THSD7B: variants seen among roughly 807,000 people sequenced by gnomAD.
THSD7B encodes the protein thrombospondin type-1 domain-containing protein 7B.
THSD7B carries 138 observed loss-of-function variants against 213.6 expected under a neutral mutation model. The observed-to-expected ratio is 0.65, with a 90% CI of 0.56 to 0.74. THSD7B has a LOEUF of 0.74. THSD7B is among the 30% of genes least tolerant of loss of function. THSD7B has a pLI of 0.00. For synonymous variants in THSD7B, 742 were observed against 687.0 expected (o/e 1.08, Z -1.25); for missense variants, 1,931 against 1,991.5 (o/e 0.97, Z 0.58).
At chr2:137,429,973 T>C (rs1455000894) in intron 14 of THSD7B, among the ~76,000 whole-genome samples, 1 of 152,208 alleles carries the variant, frequency 6.6e-6, no homozygotes, top group East Asian at 1.9e-4. Context: ...CCAGGTGCAG[T>C]GGCTCACACA....
intron 14 of THSD7B, among the ~76,000 whole-genome samples, chr2:137,432,854 A>G (rs937572089): frequency 6.6e-6 from 1 of 152,176 alleles, no homozygotes. Context: ...GTCTGTTTCT[A>G]TACTCTTACA....
At chr2:136,776,050 A>G (rs567910487) in intron 1 of THSD7B, among the ~76,000 whole-genome samples, 3 of 152,258 alleles carry the variant, frequency 2.0e-5, no homozygotes, top group East Asian at 3.9e-4. Flanking sequence ...AAGGTGCACA[A>G]TGATATCCAA....
Position 136,890,303 on chromosome 2 carries a change from C to CCTCCTCTTCTTCTTCTTCTTCTTCTT in THSD7B, c.139+7988_139+7989insCCTCTTCTTCTTCTTCTTCTTCTTCT, listed in dbSNP as rs1553455794. Among the ~76,000 whole-genome samples the CCTCCTCTTCTTCTTCTTCTTCTTCTT allele has an allele frequency of 1.7e-3, 9 of 5,162 alleles. 3 individuals are homozygous for CCTCCTCTTCTTCTTCTTCTTCTTCTT. Among genetic ancestry groups the CCTCCTCTTCTTCTTCTTCTTCTTCTT allele is most frequent in the African/African-American group, 2.3e-3 (4 of 1,748 alleles). The allele number at this position is 5,162 out of a possible 152,430, so 3.4% of individuals were successfully genotyped here. On this transcript the variant is annotated intron_variant, in intron 2 of 27. Coordinates refer to ENST00000409968, the MANE Select transcript of THSD7B (RefSeq NM_001316349.2). ...TGCTCATTCATGTCCATGTCCTACT[C>CCTCCTCTTCTTCTTCTTCTTCTTCTT]CTTCTTCTTCTTCTTCTTCTTCTTC...
chr2:136,907,193 C>T (rs1684180026), intron 2 of THSD7B, among the ~76,000 whole-genome samples: 2 of 152,000 alleles, frequency 1.3e-5, no homozygotes, highest in Non-Finnish European at 2.9e-5. Context: ...GATCCACCTA[C>T]CTTGGCCTCC....
At chr2:137,062,836 C>T (rs145579768) in intron 3 of THSD7B, among the ~76,000 whole-genome samples, 1 of 151,866 alleles carries the variant, frequency 6.6e-6, no homozygotes, top group Non-Finnish European at 1.5e-5. Context: ...ATTGATGGTG[C>T]TGTTCAGTTC....
chr2:137,367,205 A>G (rs1319758144), intron 12 of THSD7B, among the ~76,000 whole-genome samples: 2 of 152,152 alleles, frequency 1.3e-5, no homozygotes. Context: ...GCTGTGCAGT[A>G]GAACACCGTA....
At chr2:137,467,042 A>G (rs1688008083) in intron 15 of THSD7B, among the ~76,000 whole-genome samples, 1 of 152,072 alleles carries the variant, frequency 6.6e-6, no homozygotes, top group African/African-American at 2.4e-5. Context: ...CAGCTCCCCC[A>G]GAAGCCTTTC....
intron 12 of THSD7B, among the ~76,000 whole-genome samples, chr2:137,301,744 T>C (rs1277355299): frequency 1.3e-5 from 2 of 152,042 alleles, no homozygotes; most frequent in East Asian, 1.9e-4. Context: ...AGTAAAGACC[T>C]TGATGCATTT....
intron 12 of THSD7B, among the ~76,000 whole-genome samples, chr2:137,371,740 A>G (rs902154410): frequency 6.6e-6 from 1 of 152,016 alleles, no homozygotes; most frequent in Non-Finnish European, 1.5e-5. Flanking sequence ...CTTTGACTTA[A>G]TCTTACATTC....
intron 12 of THSD7B, among the ~76,000 whole-genome samples, chr2:137,338,924 T>A (rs367741704): frequency 2.0e-5 from 3 of 152,138 alleles, no homozygotes; most frequent in East Asian, 3.9e-4. Context: ...TTCCTTGGCA[T>A]CTGACAATTG....
At chr2:137,010,025 CCTT>C (rs1362106499) in intron 2 of THSD7B, among the ~76,000 whole-genome samples, 2 of 152,178 alleles carry the variant, frequency 1.3e-5, no homozygotes, top group African/African-American at 4.8e-5. Flanking sequence ...GGTAATTTTT[CCTT>C]CTTCTTCCAC....
intron 12 of THSD7B, among the ~76,000 whole-genome samples, chr2:137,292,077 T>C (rs140430575): frequency 0.012 from 1,764 of 152,242 alleles, 25 homozygotes; most frequent in Middle Eastern, 0.078. Flanking sequence ...GAAATGCTGC[T>C]TCTAGAACCA....
At chr2:137,423,628 A>G (rs1686976861) in intron 14 of THSD7B, among the ~76,000 whole-genome samples, 1 of 152,144 alleles carries the variant, frequency 6.6e-6, no homozygotes, top group Admixed American at 6.5e-5. Context: ...ATACGCTATA[A>G]AACATTGTTG....
At chr2:137,130,916 A>G (rs993915868) in intron 5 of THSD7B, among the ~76,000 whole-genome samples, 10 of 151,522 alleles carry the variant, frequency 6.6e-5, no homozygotes, top group African/African-American at 2.4e-4. Flanking sequence ...GCTGGGTCAA[A>G]TGGTATTTCT....
chr2:137,214,233 T>C (rs1469459539), intron 7 of THSD7B, among the ~76,000 whole-genome samples: 2 of 152,296 alleles, frequency 1.3e-5, no homozygotes, highest in East Asian at 3.9e-4. Context: ...CCTATTTATG[T>C]ACTTATACCT....
At chr2:136,817,664 G>A (rs1041094580) in intron 1 of THSD7B, among the ~76,000 whole-genome samples, 4 of 151,792 alleles carry the variant, frequency 2.6e-5, no homozygotes, top group African/African-American at 9.7e-5. Context: ...TCAAAGATCA[G>A]ATAGTTGTAG....
chr2:136,857,986 G>A (rs1683201783), intron 1 of THSD7B, among the ~76,000 whole-genome samples: 1 of 152,150 alleles, frequency 6.6e-6, no homozygotes, highest in Non-Finnish European at 1.5e-5. Context: ...TTATGCACTG[G>A]CTGCCTTCTT....
rs7561482 is a variant in THSD7B, at chr2:137,095,128, C to T, written c.1199+7C>T. ...TTCTGCAGCAATGTCCCAGGTATTA[C>T]GCCTTTATGCCTTCTTTAGTGTGAA... On this transcript the variant is annotated splice_region_variant and intron_variant, in intron 4 of 27. Coordinates refer to ENST00000409968, the MANE Select transcript of THSD7B (RefSeq NM_001316349.2). 271,115 of 1,612,356 alleles carry T rather than the reference C, an allele frequency of 0.17. 31,954 individuals are homozygous for T. The highest frequency in any genetic ancestry group is 0.54 in the African/African-American group (40,307 of 74,878).
intron 5 of THSD7B, among the ~76,000 whole-genome samples, chr2:137,151,312 T>C (rs990767199): frequency 6.6e-6 from 1 of 152,192 alleles, no homozygotes; most frequent in Non-Finnish European, 1.5e-5. Context: ...TTTTAACTTT[T>C]TTTATTTTTT....
Sources: allele counts gnomAD v4.1 joint callset (sites outside exome capture counted in the v4.1 genomes callset), GRCh38; gene constraint gnomAD v4.1.1; transcripts MANE v1.5; gene names NCBI Gene and HGNC (gene_info 2026-07-23, HGNC 2026-07-21).